Variants in UBASH3B observed in about 807,000 individuals in gnomAD.
UBASH3B encodes the protein ubiquitin associated and SH3 domain containing B, also known as ubiquitin-associated and SH3 domain-containing protein B.
A neutral mutation model predicts 83.4 loss-of-function variants in UBASH3B; 37 were observed. That is an observed-to-expected ratio of 0.44 (90% CI 0.34 to 0.58). The LOEUF is 0.58. Among genes scored for constraint, UBASH3B ranks in the 20% least tolerant of loss-of-function variants. The pLI is 0.01. For synonymous variants in UBASH3B, 304 were observed against 318.3 expected (o/e 0.96, Z 0.48); for missense variants, 657 against 827.2 (o/e 0.79, Z 2.52).
chr11:122,790,117 A>G (rs1861025950), intron 6 of UBASH3B, among the ~76,000 whole-genome samples: 1 of 152,222 alleles, frequency 6.6e-6, no homozygotes, highest in African/African-American at 2.4e-5. Flanking sequence ...GTCATGTGGC[A>G]ACATGGCTGA....
intron 1 of UBASH3B, among the ~76,000 whole-genome samples, chr11:122,667,801 C>T (rs1383637847): frequency 6.6e-6 from 1 of 152,136 alleles, no homozygotes; most frequent in Non-Finnish European, 1.5e-5. Flanking sequence ...CTCATCTAGT[C>T]TAGTACCCTT....
rs1303725302 is a variant in UBASH3B, at chr11:122,759,449, G to T, written c.162-16770G>T. On this transcript the variant is annotated intron_variant, in intron 1 of 13. Transcript: ENST00000284273. This position sits in a 1 kb window ranked among gnomAD's most constrained non-coding sequence, Gnocchi z 4.1. ...GATTCAAGTGCATTACATTTATTGT[G>T]CACTTTATTCCTATTATTATTACAT... is the stretch of plus-strand genomic sequence containing the variant. 6.6e-6 allele frequency among the ~76,000 whole-genome samples: 1 copy of T among 152,172 alleles called. No individual in the cohort carries two copies. Among genetic ancestry groups the T allele is most frequent in the African/African-American group, 2.4e-5 (1 of 41,432 alleles).
intron 1 of UBASH3B, among the ~76,000 whole-genome samples, chr11:122,730,604 T>G (rs1302667307): frequency 1.3e-5 from 2 of 151,974 alleles, no homozygotes; most frequent in Non-Finnish European, 2.9e-5. Flanking sequence ...TTTTTTTTTT[T>G]TTTTAATTGA....
chr11:122,684,878 G>A (rs1429487285), intron 1 of UBASH3B, among the ~76,000 whole-genome samples: 6 of 152,150 alleles, frequency 3.9e-5, no homozygotes, highest in African/African-American at 7.2e-5. Flanking sequence ...GATTACAGGC[G>A]TAAGCCACTG....
At chr11:122,732,272 G>A (rs1244706157) in intron 1 of UBASH3B, among the ~76,000 whole-genome samples, 1 of 152,170 alleles carries the variant, frequency 6.6e-6, no homozygotes, top group Non-Finnish European at 1.5e-5. Flanking sequence ...ACAGACCAAG[G>A]CCGGCTGGCT....
At chr11:122,703,942 T>C (rs1423831603) in intron 1 of UBASH3B, among the ~76,000 whole-genome samples, 2 of 152,204 alleles carry the variant, frequency 1.3e-5, no homozygotes, top group Admixed American at 1.3e-4. Flanking sequence ...TCCTTCCCTA[T>C]CTTATGGACA....
At chr11:122,728,019 T>TTATTA (rs1860774245) in intron 1 of UBASH3B, among the ~76,000 whole-genome samples, 3 of 109,016 alleles carry the variant, frequency 2.8e-5, no homozygotes, top group East Asian at 3.4e-4. Context: ...TATTATTATT[T>TTATTA]TTAGAGATGA....
intron 1 of UBASH3B, among the ~76,000 whole-genome samples, chr11:122,675,245 C>G (rs1278785868): frequency 6.6e-6 from 1 of 152,176 alleles, no homozygotes; most frequent in East Asian, 1.9e-4. Flanking sequence ...GCTCTAGCAC[C>G]CTGACTGGCA....
chr11:122,693,734 G>A (rs181445074), intron 1 of UBASH3B, among the ~76,000 whole-genome samples: 6 of 152,214 alleles, frequency 3.9e-5, no homozygotes, highest in East Asian at 1.9e-4. Flanking sequence ...TTAGCCAGGC[G>A]TGGTGGCACA....
chr11:122,806,362 C>T lies in UBASH3B; in HGVS notation c.1596-48C>T. On this transcript the variant is annotated intron_variant, in intron 11 of 13. Transcript: ENST00000284273. The surrounding 1 kb of genome is among the most constrained non-coding windows in gnomAD (Gnocchi z 4.0). ...AGTTTAGAGTGATATCTTCCTTTGT[C>T]TCAAGATCAAAATGTTTTCATTTCC... 1.3e-6 allele frequency: 2 copies of T among 1,484,756 alleles called. No homozygotes were observed. Among genetic ancestry groups the T allele is most frequent in the Non-Finnish European group, 9.2e-7 (1 of 1,085,272 alleles). 92.0% of individuals were successfully genotyped at this position (1,484,756 alleles called of 1,614,324 possible).
intron 6 of UBASH3B, 135 bp downstream of exon 6, chr11:122,789,443 C>G (rs951161336): frequency 3.3e-5 from 32 of 980,646 alleles, no homozygotes; most frequent in Middle Eastern, 4.5e-4. Context: ...AGGAAAGGAG[C>G]TGATTTGAGG....
chr11:122,788,681 C>G (rs1202920503), intron 5 of UBASH3B, among the ~76,000 whole-genome samples: 2 of 147,418 alleles, frequency 1.4e-5, no homozygotes, highest in East Asian at 1.9e-4. Flanking sequence ...CCCTCTGTAA[C>G]CCCCGTATGG....
intron 1 of UBASH3B, among the ~76,000 whole-genome samples, chr11:122,712,893 G>T (rs1193726754): frequency 7.6e-6 from 1 of 132,374 alleles, no homozygotes; most frequent in African/African-American, 2.9e-5. Context: ...TCTTCTCTGG[G>T]TGGTTTTTTT....
chr11:122,795,191 T>C lies in UBASH3B; in HGVS notation c.1113+357T>C, dbSNP rs1456359553. 2.0e-5 allele frequency among the ~76,000 whole-genome samples: 3 copies of C among 152,204 alleles called. No individual in the cohort carries two copies. The East Asian group carries it at 5.8e-4, about 29-fold the overall frequency. On this transcript the variant is annotated intron_variant, in intron 7 of 13. Transcript: ENST00000284273. The stretch of plus-strand genomic sequence containing the variant: ...TAGGCTCTTAGCACCATAACTGGCA[T>C]ATAATGAGTGCTCAGTATGTGTTAA...
intron 6 of UBASH3B, among the ~76,000 whole-genome samples, chr11:122,794,345 A>G (rs1591816902): frequency 6.6e-6 from 1 of 152,132 alleles, no homozygotes; most frequent in East Asian, 1.9e-4. Flanking sequence ...AGCTGGGACT[A>G]CAGGCACGCA....
intron 1 of UBASH3B, among the ~76,000 whole-genome samples, chr11:122,751,057 G>A (rs953121264): frequency 6.6e-6 from 1 of 152,192 alleles, no homozygotes; most frequent in Non-Finnish European, 1.5e-5. Flanking sequence ...CAGGTAGGCG[G>A]AAAGAACCGT....
chr11:122,785,769 G>A (rs1227657273), intron 5 of UBASH3B, among the ~76,000 whole-genome samples: 1 of 152,182 alleles, frequency 6.6e-6, no homozygotes, highest in Non-Finnish European at 1.5e-5. Context: ...GTAAAATGGT[G>A]ACAATGTTTT....
chr11:122,768,512 A>G (rs868176180), intron 1 of UBASH3B, among the ~76,000 whole-genome samples: 2,376 of 105,732 alleles, frequency 0.022, 55 homozygotes, highest in African/African-American at 0.075. Flanking sequence ...GTGTGTGTAT[A>G]TATATATATT....
chr11:122,718,702 G>A (rs186196124), intron 1 of UBASH3B, among the ~76,000 whole-genome samples: 1 of 152,292 alleles, frequency 6.6e-6, no homozygotes, highest in African/African-American at 2.4e-5. Flanking sequence ...GGATATTAGA[G>A]GGTCAGAAAT....
Sources: gnomAD v4.1 joint callset for allele counts (sites outside exome capture counted in the v4.1 genomes callset) on GRCh38, gnomAD v4.1.1 for gene constraint, Gnocchi (gnomAD v3.1) non-coding constraint, MANE v1.5 for transcripts, NCBI Gene and HGNC (gene_info 2026-07-23, HGNC 2026-07-21) for gene names.